ZNF700: variants seen among roughly 807,000 people sequenced by gnomAD.
ZNF700 encodes zinc finger protein 700.
Under a neutral mutation model 65.3 loss-of-function variants are expected in ZNF700, and 38 were observed. That is an observed-to-expected ratio of 0.58 (90% confidence interval 0.45 to 0.76). ZNF700 has a LOEUF of 0.76. ZNF700 is among the 30% of genes least tolerant of loss of function. ZNF700 has a pLI of 0.00. For synonymous variants in ZNF700, 285 were observed against 290.4 expected (o/e 0.98, Z 0.19); for missense variants, 857 against 888.4 (o/e 0.96, Z 0.45).
rs17001730 is a variant in ZNF700 at position 11,948,985 on chromosome 19, C to G, written c.961C>G (p.Leu321Val). Residue 321 changes from leucine to valine, a missense_variant, in exon 4 of 4, where the codon CTT (leucine) becomes GTT (valine). Around this residue, in one of 3 missense-constraint regions of ZNF700, gnomAD observed 603 missense variants for 619.9 expected, o/e 0.97. Transcript: ENST00000254321. Reference sequence around the variant, plus strand: ...AAAAGCATTTGCATATACCAGTTCTCTTCGTAGACATGAAAGGACCCACTC... The same window carrying G: ...AAAAGCATTTGCATATACCAGTTCTGTTCGTAGACATGAAAGGACCCACTC... ...CGKAFAYTSS[L>V]RRHERTHSGK... 7.4e-4 allele frequency: 1,185 copies of G among 1,608,426 alleles called. 15 individuals carry two copies. The African/African-American group carries it at 0.015, about 20-fold the overall frequency.
chr19:11,948,346 C>T lies in ZNF700; in HGVS notation c.322C>T (p.Pro108Ser), dbSNP rs554103155. The change falls in exon 4 of 4, where the codon CCA (proline) becomes TCA (serine). Residue 108 changes from proline to serine, a missense_variant. By Grantham distance (74) the Pro-to-Ser change is moderately conservative. This residue lies in a region of ZNF700 where 603 missense variants were observed against 619.9 expected (regional missense o/e 0.97). Transcript: ENST00000254321. ...TTGTGGAGAAACTTTTACCCAGGTT[C>T]CAGATGACAGACTGAACTTCCAGGA... ...SHCGETFTQV[P>S]DDRLNFQEKK... 5.0e-6 allele frequency: 8 copies of T among 1,613,902 alleles called. No individual in the cohort carries two copies. Among genetic ancestry groups the T allele is most frequent in the South Asian group, 3.3e-5 (3 of 91,078 alleles).
chr19:11,945,938 G>C (rs279259), intron 1 of ZNF700, among the ~76,000 whole-genome samples: 26,218 of 151,978 alleles, frequency 0.17, 4,796 homozygotes, highest in African/African-American at 0.47. Context: ...GCCGAGACTC[G>C]TGTGGCTTCG....
rs1311381094 is a variant in ZNF700 at position 11,930,301 on chromosome 19, T to C, written c.63+5028T>C. On this transcript the variant is annotated intron_variant, in intron 1 of 3. Coordinates refer to ENST00000254321, the MANE Select transcript of ZNF700 (RefSeq NM_144566.3). Reference sequence around the variant, plus strand: ...TGTCTCAACTGTGAAGAGAGAAATATCCCAAAAGACAAGGAAAGGCCACCC... The same window carrying C: ...TGTCTCAACTGTGAAGAGAGAAATACCCCAAAAGACAAGGAAAGGCCACCC... Among the ~76,000 whole-genome samples, 3 of 148,444 alleles carry C rather than the reference T, an allele frequency of 2.0e-5. 1 individual carries two copies. Among genetic ancestry groups the C allele is most frequent in the South Asian group, 4.2e-4 (2 of 4,780 alleles).
At chr19:11,945,177 A>T (rs1972941281) in intron 1 of ZNF700, among the ~76,000 whole-genome samples, 1 of 152,194 alleles carries the variant, frequency 6.6e-6, no homozygotes, top group South Asian at 2.1e-4. Flanking sequence ...CCTTTAACTC[A>T]TGAAAGGCTC....
At chr19:11,934,907 G>A (rs1972767011) in intron 1 of ZNF700, among the ~76,000 whole-genome samples, 1 of 147,544 alleles carries the variant, frequency 6.8e-6, no homozygotes, top group South Asian at 2.1e-4. Context: ...TTGGTCGGGT[G>A]CGGTGGCTCA....
chr19:11,926,836 G>C (rs1485718953), intron 1 of ZNF700: 1 of 153,176 alleles, frequency 6.5e-6, no homozygotes, highest in Non-Finnish European at 1.5e-5. Flanking sequence ...GAAAGGTCAA[G>C]ATTTCAGTTG....
At chr19:11,939,140 G>C (rs192578477) in intron 1 of ZNF700, among the ~76,000 whole-genome samples, 12 of 152,250 alleles carry the variant, frequency 7.9e-5, no homozygotes, top group Non-Finnish European at 1.5e-4. Context: ...TTTGTCAGAT[G>C]GGTAGATTGT....
intron 3 of ZNF700, 138 bp downstream of exon 3, chr19:11,947,712 A>G (rs982190657): frequency 2.2e-6 from 2 of 910,260 alleles, no homozygotes; most frequent in African/African-American, 1.7e-5. Context: ...CAAAAAACAT[A>G]TATTTAAACG....
In ZNF700 at chr19:11,948,608, C is replaced by T. The variant is rs1973001040; in HGVS notation, c.584C>T (p.Ala195Val). Residue 195 changes from alanine (A) to valine (V), a missense_variant, in exon 4 of 4, where the codon GCT becomes GTT. Ala to Val is a moderately conservative substitution (Grantham distance 64, BLOSUM62 0). This residue lies in a region of ZNF700 where 603 missense variants were observed against 619.9 expected (regional missense o/e 0.97). Coordinates refer to ENST00000254321, the MANE Select transcript of ZNF700 (RefSeq NM_144566.3). ...ERDHTGEKPY[A>V]CKVCGKTFIF... The stretch of plus-strand genomic sequence containing the variant: ...GATCACACTGGAGAGAAACCCTATG[C>T]TTGTAAAGTCTGTGGAAAAACCTTT... 6.2e-7 allele frequency: 1 copy of T among 1,606,882 alleles called. No individual in the cohort carries two copies. Among genetic ancestry groups the T allele is most frequent in the African/African-American group, 1.3e-5 (1 of 74,236 alleles).
At chr19:11,933,349 A>G (rs1272246517) in intron 1 of ZNF700, among the ~76,000 whole-genome samples, 1 of 148,418 alleles carries the variant, frequency 6.7e-6, no homozygotes, top group Admixed American at 6.6e-5. Flanking sequence ...GAACACGATG[A>G]AAATTGAAGA....
chr19:11,929,218 T>A (rs1048959544), intron 1 of ZNF700, among the ~76,000 whole-genome samples: 2 of 148,432 alleles, frequency 1.3e-5, no homozygotes, highest in Admixed American at 1.3e-4. Context: ...CAGGCTGGAG[T>A]GCAGGCGCGA....
chr19:11,949,139 A>T lies in ZNF700; in HGVS notation c.1115A>T (p.Tyr372Phe). 6.2e-7 allele frequency: 1 copy of T among 1,612,288 alleles called. No homozygotes were observed. Residue 372 changes from tyrosine to phenylalanine, a missense_variant, in exon 4 of 4, where the codon TAT becomes TTT. By Grantham distance (22) the Tyr-to-Phe change is conservative. Transcript: ENST00000254321. Reference sequence around the variant, plus strand: ...TGTAAGATATGTGGGAAAGGCTTTTATTCTGCCAAGTCATTTCAAACACAT... The same window carrying T: ...TGTAAGATATGTGGGAAAGGCTTTTTTTCTGCCAAGTCATTTCAAACACAT... ...YKCKICGKGF[Y>F]SAKSFQTHEK...
chr19:11,942,323 A>C (rs1568295285), intron 1 of ZNF700, among the ~76,000 whole-genome samples: 1 of 151,942 alleles, frequency 6.6e-6, no homozygotes, highest in East Asian at 1.9e-4. Context: ...TTTTCAAGGA[A>C]ACACAGCCTC....
chr19:11,947,330 C>G (rs776906208), intron 2 of ZNF700, 23 bp downstream of exon 2: 1 of 1,612,934 alleles, frequency 6.2e-7, no homozygotes, highest in African/African-American at 1.3e-5. Context: ...ATATTCCTTC[C>G]GTCAGTGCAT....
rs772920498 is a variant in ZNF700, at chr19:11,948,342, G to A, written c.318G>A (p.Gln106=). The A allele has an allele frequency of 6.2e-7, 1 of 1,613,876 alleles. No individual in the cohort carries two copies. The highest frequency in any genetic ancestry group is 8.5e-7 in the Non-Finnish European group (1 of 1,179,856). The change falls in exon 4 of 4, where the codon CAG becomes CAA. Residue 106 remains glutamine (Q), a synonymous_variant. Coordinates refer to ENST00000254321, the MANE Select transcript of ZNF700 (RefSeq NM_144566.3). ...GTCATTGTGGAGAAACTTTTACCCA[G>A]GTTCCAGATGACAGACTGAACTTCC... The part of the protein sequence containing the change: ...EDSHCGETFT[Q]VPDDRLNFQE...
At chr19:11,942,479 G>A (rs1294551677) in intron 1 of ZNF700, among the ~76,000 whole-genome samples, 10 of 152,128 alleles carry the variant, frequency 6.6e-5, no homozygotes, top group African/African-American at 2.4e-4. Context: ...ACAAGCCGCA[G>A]ACAAAACCTC....
chr19:11,927,789 T>C (rs373944528), intron 1 of ZNF700, among the ~76,000 whole-genome samples: 4 of 152,224 alleles, frequency 2.6e-5, no homozygotes, highest in African/African-American at 7.2e-5. Context: ...TGCAGGCATC[T>C]TCAGGCTGTT....
At chr19:11,947,007 T>C in intron 1 of ZNF700, 174 bp from the exon 2 acceptor site, 1 of 1,151,418 alleles carries the variant, frequency 8.7e-7, no homozygotes, top group Non-Finnish European at 1.2e-6. Context: ...AATAAATAAA[T>C]AAATTGCTTT....
Position 11,933,744 on chromosome 19 carries a change from A to T in ZNF700, c.63+8471A>T, listed in dbSNP as rs77573631. Among the ~76,000 whole-genome samples the T allele has an allele frequency of 5.4e-5, 8 of 147,130 alleles. 1 individual carries two copies. In the South Asian group the frequency reaches 8.4e-4, roughly 16 times the overall value. ...ATTTTTATTTATTTATCTAAAAAAA[A>T]TTTTGTTTTTGAATGGTGTGAACCC... is the stretch of plus-strand genomic sequence containing the variant. On this transcript the variant is annotated intron_variant, in intron 1 of 3. Transcript: ENST00000254321.
Sources: allele counts gnomAD v4.1 joint callset (sites outside exome capture counted in the v4.1 genomes callset), GRCh38; gene constraint gnomAD v4.1.1; regional missense constraint gnomAD v4.1.1; transcripts MANE v1.5; gene names NCBI Gene and HGNC (gene_info 2026-07-23, HGNC 2026-07-21).